AKAP13: variants seen among roughly 807,000 people sequenced by gnomAD.
AKAP13 encodes A-kinase anchor protein 13.
In AKAP13, 80 loss-of-function variants were observed where a neutral mutation model predicts 264.5. The observed-to-expected ratio is 0.30, with a 90% CI of 0.25 to 0.36. The LOEUF (loss-of-function observed/expected upper bound fraction) is 0.36, where lower values mean the gene tolerates loss of function less well. Ranked by LOEUF, AKAP13 falls within the 10% of genes least tolerant of loss-of-function variation. The probability of loss-of-function intolerance (pLI) is 1.00; values close to 1 mark genes in which losing one functional copy is unlikely to be tolerated. For synonymous variants in AKAP13, 1,380 were observed against 1,250.2 expected, an observed-to-expected ratio of 1.10 and a Z score of -2.19; for missense variants, 3,712 against 3,435.2, an observed-to-expected ratio of 1.08 and a Z score of -2.01.
rs1471952335 is a variant in AKAP13, at chr15:85,580,920, A to G, written c.2852A>G (p.Gln951Arg). The part of the protein sequence containing the change: ...ALSSGTLQEE[Q>R]RTPPPGQDTQ... ...TCTTCAGGAACTTTGCAGGAAGAGC[A>G]GAGAACACCACCTCCTGGACAAGAT... The change falls in exon 7 of 37, where the codon CAG becomes CGG. Residue 951 changes from glutamine to arginine, a missense_variant. This residue lies in a region of AKAP13 where 2,759 missense variants were observed against 2,411.7 expected (regional missense o/e 1.14). Coordinates refer to ENST00000394518, the MANE Select transcript of AKAP13 (RefSeq NM_007200.5). 5 of 1,614,118 alleles carry G rather than the reference A, an allele frequency of 3.1e-6. No individual in the cohort carries two copies. Among genetic ancestry groups the G allele is most frequent in the Non-Finnish European group, 4.2e-6 (5 of 1,180,044 alleles).
intron 7 of AKAP13, among the ~76,000 whole-genome samples, chr15:85,585,016 C>A (rs1398932578): frequency 6.6e-6 from 1 of 152,134 alleles, no homozygotes; most frequent in Non-Finnish European, 1.5e-5. Flanking sequence ...TAACAAAAAC[C>A]ACCACTGTTT....
intron 5 of AKAP13, among the ~76,000 whole-genome samples, chr15:85,571,213 C>T (rs1157266217): frequency 1.3e-5 from 2 of 152,140 alleles, no homozygotes; most frequent in Admixed American, 1.3e-4. Flanking sequence ...AAATGTATAT[C>T]TCAACCACGC....
At chr15:85,439,976 ATAATAAT>A (rs753378744) in intron 1 of AKAP13, among the ~76,000 whole-genome samples, 18 of 148,042 alleles carry the variant, frequency 1.2e-4, no homozygotes, top group Non-Finnish European at 2.1e-4. Flanking sequence ...ATAATAAAAA[ATAATAAT>A]AATAATAATA....
chr15:85,639,232 T>A (rs535851068), intron 8 of AKAP13, 142 bp from the exon 9 acceptor site: 27 of 567,038 alleles, frequency 4.8e-5, no homozygotes, highest in East Asian at 3.3e-4. Flanking sequence ...GAAAAAAAAA[T>A]TTTTTTCCCT....
chr15:85,402,178 C>T (rs958105245), intron 1 of AKAP13, among the ~76,000 whole-genome samples: 8 of 152,164 alleles, frequency 5.3e-5, no homozygotes, highest in Non-Finnish European at 1.2e-4. Context: ...CTTGGAATTA[C>T]ATCAAGGGCC....
intron 5 of AKAP13, among the ~76,000 whole-genome samples, chr15:85,566,385 A>G (rs774164156): frequency 6.6e-6 from 1 of 152,154 alleles, no homozygotes; most frequent in Non-Finnish European, 1.5e-5. Flanking sequence ...GCTTTTTTGC[A>G]TCTATGAAGG....
At chr15:85,728,062 T>C (rs998261723) in intron 29 of AKAP13, among the ~76,000 whole-genome samples, 4 of 152,210 alleles carry the variant, frequency 2.6e-5, no homozygotes, top group Non-Finnish European at 5.9e-5. Flanking sequence ...GAGGACAAGC[T>C]ACCCAGGGTT....
chr15:85,746,631 A>G lies in AKAP13; in HGVS notation c.*1954A>G, dbSNP rs1481435444. ...AAACCTGCTGATTTTTCTATTGAAA[A>G]TATGTCCCCTTGCAAAGACCCTAAA... On this transcript the variant is annotated 3_prime_UTR_variant, in exon 37 of 37. Coordinates refer to ENST00000394518, the MANE Select transcript of AKAP13 (RefSeq NM_007200.5). 1 of 152,164 alleles carries G rather than the reference A, an allele frequency of 6.6e-6. No individual in the cohort carries two copies. Among genetic ancestry groups the G allele is most frequent in the Non-Finnish European group, 1.5e-5 (1 of 68,028 alleles). The allele number at this position is 152,164 out of a possible 1,614,324, so 9.4% of individuals were successfully genotyped here. A position where few individuals can be genotyped will look rare whatever the true frequency, so the allele number is the denominator to read the frequency against.
intron 1 of AKAP13, among the ~76,000 whole-genome samples, chr15:85,399,519 A>AATAAAT (rs2071302907): frequency 8.0e-6 from 1 of 124,578 alleles, no homozygotes; most frequent in Non-Finnish European, 1.7e-5. Context: ...AAAAAAAAAA[A>AATAAAT]AAATAAAAAA....
Position 85,749,328 on chromosome 15 carries a change from C to CAAA in AKAP13, c.*4655_*4657dup, listed in dbSNP as rs984850213. 1 of 152,258 alleles carries CAAA rather than the reference C, an allele frequency of 6.6e-6. No individual in the cohort carries two copies. The highest frequency in any genetic ancestry group is 2.4e-5 in the African/African-American group (1 of 41,536). The allele number at this position is 152,258 out of a possible 1,614,324, so 9.4% of individuals were successfully genotyped here. ...CTTGTAAAGTCTCCCTCAGCCCTTTCAAAAAATAATAAATTTCCTGTGAAG... is the reference window on the plus strand; with the variant it reads ...CTTGTAAAGTCTCCCTCAGCCCTTTCAAAAAAAAATAATAAATTTCCTGTGAAG... On this transcript the variant is annotated 3_prime_UTR_variant, in exon 37 of 37. Coordinates refer to ENST00000394518, the MANE Select transcript of AKAP13 (RefSeq NM_007200.5).
At chr15:85,489,953 T>A (rs1872074) in intron 2 of AKAP13, among the ~76,000 whole-genome samples, 1 of 152,054 alleles carries the variant, frequency 6.6e-6, no homozygotes, top group South Asian at 2.1e-4. Flanking sequence ...TTGGTTTTCC[T>A]GTCTGTTAGC....
At position 85,532,026 on chromosome 15, in the gene AKAP13, A is replaced by C. The variant is rs538600187; in HGVS notation, c.182-1558A>C. Among the ~76,000 whole-genome samples, 5 of 152,300 alleles carry C rather than the reference A, an allele frequency of 3.3e-5. No homozygotes were observed. The East Asian group carries it at 7.7e-4, about 23-fold the overall frequency. On this transcript the variant is annotated intron_variant, in intron 3 of 36. Coordinates refer to ENST00000394518, the MANE Select transcript of AKAP13 (RefSeq NM_007200.5). The stretch of plus-strand genomic sequence containing the variant: ...TCTGAATAATGAATTCTGCACCTTA[A>C]TATCTGTGTAACATGGGGCAAGTTA...
At chr15:85,532,279 T>C (rs2077266376) in intron 3 of AKAP13, among the ~76,000 whole-genome samples, 1 of 152,232 alleles carries the variant, frequency 6.6e-6, no homozygotes, top group Non-Finnish European at 1.5e-5. Flanking sequence ...TTACTTATTA[T>C]TCTGATTACA....
At chr15:85,471,893 T>C (rs550209824) in intron 1 of AKAP13, among the ~76,000 whole-genome samples, 70 of 152,312 alleles carry the variant, frequency 4.6e-4, no homozygotes, top group African/African-American at 1.6e-3. Context: ...AGACTACTGG[T>C]GTTTTTATTA....
chr15:85,701,389 A>T, intron 17 of AKAP13, among the ~76,000 whole-genome samples: 1 of 152,002 alleles, frequency 6.6e-6, no homozygotes, highest in East Asian at 1.9e-4. Flanking sequence ...TCTTAGTTCT[A>T]CCTGCTCAGC....
intron 14 of AKAP13, among the ~76,000 whole-genome samples, chr15:85,681,109 C>T (rs569132400): frequency 2.0e-5 from 3 of 152,294 alleles, no homozygotes; most frequent in Admixed American, 6.5e-5. Flanking sequence ...TGAGCCACCG[C>T]GCCTGGCCCA....
intron 1 of AKAP13, among the ~76,000 whole-genome samples, chr15:85,427,107 C>G (rs911347880): frequency 1.3e-4 from 20 of 151,936 alleles, no homozygotes; most frequent in African/African-American, 4.8e-4. Context: ...AGGCGCCCAC[C>G]ACCACGCCCG....
intron 2 of AKAP13, among the ~76,000 whole-genome samples, chr15:85,507,824 C>G (rs951000184): frequency 7.9e-5 from 12 of 152,236 alleles, no homozygotes; most frequent in Non-Finnish European, 1.6e-4. Context: ...CACCCTCCTC[C>G]ACTCCCACAC....
intron 1 of AKAP13, among the ~76,000 whole-genome samples, chr15:85,399,942 A>G (rs2071342938): frequency 6.6e-6 from 1 of 152,216 alleles, no homozygotes; most frequent in Non-Finnish European, 1.5e-5. Context: ...GAATTAATAT[A>G]ACTTATTTAT....
Sources: allele counts gnomAD v4.1 joint callset (sites outside exome capture counted in the v4.1 genomes callset), GRCh38; gene constraint gnomAD v4.1.1; regional missense constraint gnomAD v4.1.1; transcripts MANE v1.5; gene names NCBI Gene and HGNC (gene_info 2026-07-23, HGNC 2026-07-21).